Variants in INTU observed in about 807,000 individuals in gnomAD.
The protein encoded by INTU is protein inturned.
In INTU, 68 loss-of-function variants were observed where a neutral mutation model predicts 100.5. That is an observed-to-expected ratio of 0.68 (90% CI 0.56 to 0.83). The LOEUF (loss-of-function observed/expected upper bound fraction) is 0.83. INTU is among the 40% of genes least tolerant of loss of function. INTU has a pLI of 0.00. For missense variants in INTU, 1,071 were observed against 1,114.7 expected (o/e 0.96, Z 0.56); for synonymous variants, 357 against 395.7 (o/e 0.90, Z 1.16).
chr4:127,694,973 G>C (rs1273726918), intron 8 of INTU, among the ~76,000 whole-genome samples: 2 of 152,096 alleles, frequency 1.3e-5, no homozygotes, highest in Non-Finnish European at 2.9e-5. Flanking sequence ...ATTCAACATT[G>C]TACTGGCTGT....
chr4:127,707,389 T>C, intron 12 of INTU, among the ~76,000 whole-genome samples: 1 of 60,218 alleles, frequency 1.7e-5, no homozygotes. Flanking sequence ...TGAGACTCTG[T>C]CTCAAAAAAA....
chr4:127,684,435 T>C lies in INTU; in HGVS notation c.1208T>C (p.Met403Thr). The C allele has an allele frequency of 6.2e-7, 1 of 1,602,630 alleles. No individual in the cohort carries two copies. Among genetic ancestry groups the C allele is most frequent in the African/African-American group, 1.3e-5 (1 of 74,572 alleles). The change falls in exon 7 of 16, where the codon ATG becomes ACG. Residue 403 changes from methionine to threonine, a missense_variant. Met to Thr is a moderately conservative substitution (Grantham distance 81). Transcript: ENST00000335251. ...GTTCCTCTTCCTCGTCTAAGGAACATGATAGAAAATGTCATCCAAACCTTA... is the reference window on the plus strand; with the variant it reads ...GTTCCTCTTCCTCGTCTAAGGAACACGATAGAAAATGTCATCCAAACCTTA... ...EEVPLPRLRNMIENVIQTLKF... is the reference protein window; with the variant it reads ...EEVPLPRLRNTIENVIQTLKF...
At position 127,656,068 on chromosome 4, in the gene INTU, G is replaced by C. The variant is rs577542532; in HGVS notation, c.683-568G>C. On this transcript the variant is annotated intron_variant, in intron 2 of 15. Coordinates refer to ENST00000335251, the MANE Select transcript of INTU (RefSeq NM_015693.4). The stretch of plus-strand genomic sequence containing the variant: ...CGCTTCCCAAGTGAGGCAATGCCTC[G>C]CCCTGCTTTGGCTTGCACACGGTGT... Among the ~76,000 whole-genome samples the C allele has an allele frequency of 4.1e-3, 620 of 152,298 alleles. 3 individuals are homozygous for C. The highest frequency in any genetic ancestry group is 7.1e-3 in the South Asian group (34 of 4,820).
chr4:127,646,762 G>A (rs1442964237), intron 2 of INTU, among the ~76,000 whole-genome samples: 1 of 152,136 alleles, frequency 6.6e-6, no homozygotes, highest in Admixed American at 6.5e-5. Context: ...TAGGTTGGGA[G>A]GGGCCTTAAT....
chr4:127,649,270 T>C (rs980372911), intron 2 of INTU, among the ~76,000 whole-genome samples: 10 of 152,188 alleles, frequency 6.6e-5, no homozygotes, highest in African/African-American at 2.4e-4. Flanking sequence ...ATTGACCTTA[T>C]TATACCATTC....
At position 127,643,517 on chromosome 4, in the gene INTU, AT is replaced by A; in HGVS notation, c.147-3del. 6.3e-7 allele frequency: 1 copy of A among 1,577,760 alleles called. No homozygotes were observed. Among genetic ancestry groups the A allele is most frequent in the Non-Finnish European group, 8.6e-7 (1 of 1,168,432 alleles). ...ATTAAGATTATCTTTTCTCTCTTTC[AT>A]AGTGATCTTGAGCCTGAATGGCTGG... On this transcript the variant is annotated splice_polypyrimidine_tract_variant and splice_region_variant and intron_variant, in intron 1 of 15. Coordinates refer to ENST00000335251, the MANE Select transcript of INTU (RefSeq NM_015693.4).
intron 6 of INTU, among the ~76,000 whole-genome samples, chr4:127,683,466 C>A (rs370464340): frequency 6.6e-6 from 1 of 152,214 alleles, no homozygotes; most frequent in African/African-American, 2.4e-5. Context: ...TCAACTTACA[C>A]GTCTTCGTAT....
intron 8 of INTU, among the ~76,000 whole-genome samples, chr4:127,697,885 C>T (rs1730464291): frequency 6.6e-6 from 1 of 152,060 alleles, no homozygotes. Flanking sequence ...CTTTGGTAGG[C>T]TGAGGTGGAC....
chr4:127,646,811 T>C (rs941323824), intron 2 of INTU, among the ~76,000 whole-genome samples: 2 of 151,888 alleles, frequency 1.3e-5, no homozygotes, highest in Non-Finnish European at 2.9e-5. Context: ...AGACGAGGGG[T>C]TGAGATTGAA....
intron 11 of INTU, among the ~76,000 whole-genome samples, chr4:127,706,018 A>G (rs1730864731): frequency 6.6e-6 from 1 of 152,174 alleles, no homozygotes; most frequent in Non-Finnish European, 1.5e-5. Context: ...TTTCTTTTGC[A>G]TCCATTTAAT....
At chr4:127,651,520 G>C (rs1269017391) in intron 2 of INTU, among the ~76,000 whole-genome samples, 1 of 152,208 alleles carries the variant, frequency 6.6e-6, no homozygotes, top group Non-Finnish European at 1.5e-5. Context: ...TCAAAGATCT[G>C]ATAGTTGTAG....
chr4:127,680,965 A>G (rs1005911042), intron 6 of INTU, among the ~76,000 whole-genome samples: 6 of 152,032 alleles, frequency 3.9e-5, no homozygotes, highest in African/African-American at 9.7e-5. Flanking sequence ...ATAACAGACA[A>G]ACAGAGAGCC....
chr4:127,706,096 C>T (rs1165423913), intron 11 of INTU, among the ~76,000 whole-genome samples: 3 of 152,140 alleles, frequency 2.0e-5, no homozygotes, highest in Non-Finnish European at 4.4e-5. Context: ...TTTTGTTCCC[C>T]TTTCTATAGT....
At chr4:127,650,487 T>A (rs1216340106) in intron 2 of INTU, among the ~76,000 whole-genome samples, 1 of 151,654 alleles carries the variant, frequency 6.6e-6, no homozygotes, top group Non-Finnish European at 1.5e-5. Flanking sequence ...GGTTTTTTGT[T>A]CTTGCGATAG....
At chr4:127,655,825 G>C (rs1336656368) in intron 2 of INTU, among the ~76,000 whole-genome samples, 2 of 152,164 alleles carry the variant, frequency 1.3e-5, no homozygotes, top group Non-Finnish European at 1.5e-5. Context: ...CCCCAGCCTC[G>C]CTGCCGCCTT....
chr4:127,642,858 TC>T (rs1390446611), intron 1 of INTU, among the ~76,000 whole-genome samples: 4 of 152,078 alleles, frequency 2.6e-5, no homozygotes, highest in African/African-American at 9.7e-5. Context: ...CTTTTTTTTT[TC>T]TACTACAATT....
chr4:127,707,390 C>G lies in INTU; in HGVS notation c.2271+421C>G, dbSNP rs547643722. 2.2e-4 allele frequency among the ~76,000 whole-genome samples: 9 copies of G among 41,188 alleles called. No homozygotes were observed. In the East Asian group the frequency reaches 6.5e-3, roughly 30 times the overall value. 27.0% of individuals were successfully genotyped at this position (41,188 alleles called of 152,430 possible). A position where few individuals can be genotyped will look rare whatever the true frequency, so the allele number is the denominator to read the frequency against. ...CCTGGGTGACAGAGTGAGACTCTGT[C>G]TCAAAAAAAAAAAAAAAAAAAAAAA... On this transcript the variant is annotated intron_variant, in intron 12 of 15. Coordinates refer to ENST00000335251, the MANE Select transcript of INTU (RefSeq NM_015693.4).
chr4:127,662,421 A>C (rs1417677698), intron 3 of INTU, among the ~76,000 whole-genome samples: 1 of 152,110 alleles, frequency 6.6e-6, no homozygotes, highest in Non-Finnish European at 1.5e-5. Flanking sequence ...TTAAGTCTTT[A>C]ATCCATCTTA....
intron 8 of INTU, among the ~76,000 whole-genome samples, chr4:127,693,092 A>G (rs1193614044): frequency 6.6e-6 from 1 of 151,820 alleles, no homozygotes; most frequent in South Asian, 2.1e-4. Context: ...TAATTTTAGG[A>G]TTGGTTTTTC....
Sources: allele counts gnomAD v4.1 joint callset (sites outside exome capture counted in the v4.1 genomes callset), GRCh38; gene constraint gnomAD v4.1.1; transcripts MANE v1.5; gene names NCBI Gene and HGNC (gene_info 2026-07-23, HGNC 2026-07-21).